The following COL25A1 variants were observed in gnomAD, a reference collection of about 807,000 sequenced individuals.
COL25A1 encodes collagen alpha-1(XXV) chain.
In COL25A1, 103 loss-of-function variants were observed where a neutral mutation model predicts 128.4. That is an observed-to-expected ratio of 0.80 (90% CI 0.68 to 0.94). The LOEUF (loss-of-function observed/expected upper bound fraction) is 0.94, where lower values mean the gene tolerates loss of function less well. Among genes scored for constraint, COL25A1 ranks in the 40% least tolerant of loss-of-function variants. COL25A1 has a pLI of 0.00. For missense variants in COL25A1, 745 were observed against 840.0 expected, an observed-to-expected ratio of 0.89 and a Z score of 1.40; for synonymous variants, 279 against 277.2, an observed-to-expected ratio of 1.01 and a Z score of -0.06.
chr4:108,926,932 A>G (rs1037822323), intron 11 of COL25A1, among the ~76,000 whole-genome samples: 1 of 152,038 alleles, frequency 6.6e-6, no homozygotes, highest in African/African-American at 2.4e-5. Context: ...AAGAGAGTGC[A>G]CTGCAATGTT....
chr4:108,924,723 C>T (rs1745852268), intron 11 of COL25A1, among the ~76,000 whole-genome samples: 1 of 152,192 alleles, frequency 6.6e-6, no homozygotes, highest in Admixed American at 6.6e-5. Context: ...TGGGTTCATA[C>T]CTTTCCCATA....
intron 16 of COL25A1, among the ~76,000 whole-genome samples, chr4:108,892,189 A>G (rs1387894914): frequency 6.6e-6 from 1 of 152,202 alleles, no homozygotes; most frequent in Non-Finnish European, 1.5e-5. Context: ...AAAAACCCCA[A>G]CTGCGTCTTA....
chr4:109,088,696 G>A (rs913688623), intron 3 of COL25A1, among the ~76,000 whole-genome samples: 3 of 152,180 alleles, frequency 2.0e-5, no homozygotes, highest in African/African-American at 7.2e-5. Flanking sequence ...TAGTAAGTGA[G>A]ACAGTTTCTC....
intron 3 of COL25A1, among the ~76,000 whole-genome samples, chr4:109,090,671 C>G (rs1400115217): frequency 6.6e-6 from 1 of 152,020 alleles, no homozygotes; most frequent in African/African-American, 2.4e-5. Context: ...TTAGTTTCAC[C>G]CACTTCCTTC....
At chr4:109,112,434 C>T (rs1767113319) in intron 3 of COL25A1, among the ~76,000 whole-genome samples, 1 of 151,648 alleles carries the variant, frequency 6.6e-6, no homozygotes, top group Non-Finnish European at 1.5e-5. Flanking sequence ...TTTTTTTACC[C>T]CAAATTCCTC....
At chr4:108,831,813 C>T (rs555144147) in intron 32 of COL25A1, among the ~76,000 whole-genome samples, 17 of 151,964 alleles carry the variant, frequency 1.1e-4, no homozygotes, top group African/African-American at 3.4e-4. Flanking sequence ...GATATGGAAA[C>T]ATGGCCTAGC....
rs534636077 is a variant in COL25A1, at chr4:108,908,182, A to G, written c.781-7010T>C. Among the ~76,000 whole-genome samples the G allele has an allele frequency of 2.6e-5, 4 of 152,152 alleles. 1 individual carries two copies. Among genetic ancestry groups the G allele is most frequent in the Admixed American group, 1.3e-4 (2 of 15,292 alleles). On this transcript the variant is annotated intron_variant, in intron 13 of 37. Coordinates refer to ENST00000399132, the MANE Select transcript of COL25A1 (RefSeq NM_198721.4). ...CATGTCTCTGCTTTGCCCCATACCA[A>G]TTCAGGTGGTTCAGTCAATTCTTCA...
chr4:109,005,961 A>C (rs1184281773), intron 6 of COL25A1, among the ~76,000 whole-genome samples: 2 of 152,202 alleles, frequency 1.3e-5, no homozygotes, highest in Non-Finnish European at 2.9e-5. Context: ...TTAGGTCAAA[A>C]TCTTATAAAA....
rs374428625 is a variant in COL25A1, at chr4:108,862,552, C to T, written c.1153-7G>A. The T allele has an allele frequency of 9.9e-6, 16 of 1,609,182 alleles. No homozygotes were observed. The highest frequency in any genetic ancestry group is 1.4e-5 in the Non-Finnish European group (16 of 1,175,958). On this transcript the variant is annotated splice_polypyrimidine_tract_variant and splice_region_variant and intron_variant, in intron 21 of 37. Coordinates refer to ENST00000399132, the MANE Select transcript of COL25A1 (RefSeq NM_198721.4). ...CTGATTCACCTTGTTTCCCCTATTA[C>T]AGCAGAATAAGAGGATGAAAAAGAT...
rs142591075 is a variant in COL25A1 at position 109,207,433 on chromosome 4, AAC to A, written c.367+93148_367+93149del. Among the ~76,000 whole-genome samples, 1,749 of 152,266 alleles carry A rather than the reference AAC, an allele frequency of 0.011. 59 individuals carry two copies. The South Asian group carries it at 0.14, about 12-fold the overall frequency. ...TTGCAAGAGGATCACTGAGGTCTTC[AAC>A]ACAGTTCTACTCTCACTCCTGATGG... On this transcript the variant is annotated intron_variant, in intron 3 of 37. Coordinates refer to ENST00000399132, the MANE Select transcript of COL25A1 (RefSeq NM_198721.4).
chr4:109,236,225 T>A (rs1451748898), intron 3 of COL25A1, among the ~76,000 whole-genome samples: 1 of 152,072 alleles, frequency 6.6e-6, no homozygotes, highest in African/African-American at 2.4e-5. Context: ...CACTTTAAAT[T>A]AGAAGCTCCC....
intron 5 of COL25A1, among the ~76,000 whole-genome samples, chr4:109,046,734 T>C (rs540492781): frequency 1.3e-5 from 2 of 152,302 alleles, no homozygotes; most frequent in African/African-American, 2.4e-5. Context: ...GGCCAACGTT[T>C]CCTCTGAATA....
At chr4:109,234,529 G>A (rs967657048) in intron 3 of COL25A1, among the ~76,000 whole-genome samples, 2 of 152,042 alleles carry the variant, frequency 1.3e-5, no homozygotes, top group African/African-American at 2.4e-5. Flanking sequence ...CCCTCCCCCT[G>A]CATGTTAAGA....
intron 15 of COL25A1, among the ~76,000 whole-genome samples, chr4:108,898,722 C>T (rs878944832): frequency 6.6e-6 from 1 of 152,076 alleles, no homozygotes; most frequent in Admixed American, 6.6e-5. Flanking sequence ...ATTAGAATGG[C>T]ATTAGCAAGT....
chr4:108,965,442 T>G (rs1751182194), intron 8 of COL25A1, among the ~76,000 whole-genome samples: 1 of 152,250 alleles, frequency 6.6e-6, no homozygotes, highest in Admixed American at 6.5e-5. Flanking sequence ...TTCATGACGT[T>G]TCTTCATTTT....
At chr4:109,196,114 T>G (rs1048460431) in intron 3 of COL25A1, among the ~76,000 whole-genome samples, 6 of 152,224 alleles carry the variant, frequency 3.9e-5, no homozygotes, top group African/African-American at 1.2e-4. Context: ...AAGTTCTCTG[T>G]GCGCTGTACA....
At chr4:109,266,422 A>G (rs1375248842) in intron 3 of COL25A1, among the ~76,000 whole-genome samples, 2 of 152,198 alleles carry the variant, frequency 1.3e-5, no homozygotes, top group Non-Finnish European at 2.9e-5. Context: ...TGAAGAAGGA[A>G]TGCCAATATC....
intron 20 of COL25A1, among the ~76,000 whole-genome samples, chr4:108,863,715 C>T (rs1033770506): frequency 4.6e-5 from 7 of 152,070 alleles, no homozygotes; most frequent in East Asian, 1.9e-4. Context: ...CTACTTTCAA[C>T]GTGAGGGGGC....
At chr4:108,974,584 A>T (rs773849340) in intron 6 of COL25A1, 25 bp from the exon 7 acceptor site, 34 of 1,579,838 alleles carry the variant, frequency 2.2e-5, no homozygotes, top group Admixed American at 1.1e-4. Flanking sequence ...GAGAAAAAAA[A>T]TTTTAATTAA....
Sources: allele counts gnomAD v4.1 joint callset (sites outside exome capture counted in the v4.1 genomes callset), GRCh38; gene constraint gnomAD v4.1.1; transcripts MANE v1.5; gene names NCBI Gene and HGNC (gene_info 2026-07-23, HGNC 2026-07-21).